Variants in GPR176 observed in about 807,000 individuals in gnomAD.
The protein encoded by GPR176 is G-protein coupled receptor 176.
A neutral mutation model predicts 35.4 loss-of-function variants in GPR176; 26 were observed. The observed-to-expected ratio is 0.74, with a 90% confidence interval of 0.54 to 1.02. The LOEUF (loss-of-function observed/expected upper bound fraction) is 1.02, where lower values mean the gene tolerates loss of function less well. Among genes scored for constraint, GPR176 ranks in the 50% least tolerant of loss-of-function variants. The probability of loss-of-function intolerance (pLI) is 0.00; values close to 1 mark genes in which losing one functional copy is unlikely to be tolerated. For missense variants in GPR176, 597 were observed against 665.3 expected (o/e 0.90, Z 1.13); for synonymous variants, 278 against 271.3 (o/e 1.02, Z -0.24).
chr15:39,886,109 T>A (rs1436311059), intron 1 of GPR176, among the ~76,000 whole-genome samples: 1 of 151,974 alleles, frequency 6.6e-6, no homozygotes, highest in East Asian at 1.9e-4. Flanking sequence ...GGCGGGCGCC[T>A]GTAATCCCAG....
chr15:39,903,175 C>G (rs188020), intron 1 of GPR176, among the ~76,000 whole-genome samples: 13,681 of 152,154 alleles, frequency 0.09, 1,033 homozygotes, highest in Admixed American at 0.23. Context: ...GTACCAAATG[C>G]ATTTTCAGCT....
chr15:39,887,320 G>C (rs2032707842), intron 1 of GPR176, among the ~76,000 whole-genome samples: 1 of 152,156 alleles, frequency 6.6e-6, no homozygotes, highest in Non-Finnish European at 1.5e-5. Flanking sequence ...CCAGCATAGT[G>C]CATATGTAAG....
intron 1 of GPR176, among the ~76,000 whole-genome samples, chr15:39,808,158 T>C (rs1899318707): frequency 6.6e-6 from 1 of 152,180 alleles, no homozygotes; most frequent in Non-Finnish European, 1.5e-5. Context: ...ATTCTGGTAA[T>C]TTTCCATCAA....
intron 1 of GPR176, among the ~76,000 whole-genome samples, chr15:39,831,542 T>TA (rs1240063606): frequency 3.3e-5 from 5 of 152,136 alleles, no homozygotes; most frequent in African/African-American, 1.2e-4. Context: ...TCTATGTCCA[T>TA]AAAATGTACC....
chr15:39,895,897 G>C (rs2033097421), intron 1 of GPR176, among the ~76,000 whole-genome samples: 1 of 151,988 alleles, frequency 6.6e-6, no homozygotes, highest in Non-Finnish European at 1.5e-5. Context: ...AACTATCAAA[G>C]CCTTTCTGAA....
chr15:39,855,152 A>G (rs531912092), intron 1 of GPR176, among the ~76,000 whole-genome samples: 5 of 152,190 alleles, frequency 3.3e-5, no homozygotes, highest in Non-Finnish European at 7.3e-5. Context: ...CTTAACAAAG[A>G]TGAGTCTTTC....
intron 1 of GPR176, among the ~76,000 whole-genome samples, chr15:39,851,573 G>T (rs1039344242): frequency 6.6e-6 from 1 of 152,094 alleles, no homozygotes; most frequent in Non-Finnish European, 1.5e-5. Flanking sequence ...ACATGATGAG[G>T]GTCTGGCGCT....
rs1199330455 is a variant in GPR176, at chr15:39,801,126, T to A, written c.*6A>T. 5.1e-6 allele frequency: 8 copies of A among 1,582,266 alleles called. No homozygotes were observed. Among genetic ancestry groups the A allele is most frequent in the Non-Finnish European group, 6.9e-6 (8 of 1,162,494 alleles). ...CCCCGTTGCTTCCAAGAATTTACAA[T>A]CCTTGCTAGGAATCCACCTTTGGAA... On this transcript the variant is annotated 3_prime_UTR_variant, in exon 3 of 3. Coordinates refer to ENST00000561100, the MANE Select transcript of GPR176 (RefSeq NM_007223.3).
chr15:39,905,018 C>T (rs1252771440), intron 1 of GPR176, among the ~76,000 whole-genome samples: 3 of 152,186 alleles, frequency 2.0e-5, no homozygotes, highest in African/African-American at 2.4e-5. Flanking sequence ...CAACTCCCTC[C>T]TCCAGCCCCT....
chr15:39,832,025 C>T (rs1901118050), intron 1 of GPR176, among the ~76,000 whole-genome samples: 1 of 150,076 alleles, frequency 6.7e-6, no homozygotes. Context: ...CACACACACA[C>T]ACCATGTTCC....
intron 1 of GPR176, among the ~76,000 whole-genome samples, chr15:39,809,353 C>T (rs919405478): frequency 1.3e-5 from 2 of 152,072 alleles, no homozygotes; most frequent in African/African-American, 4.8e-5. Context: ...ACCCAATACC[C>T]ATTTGGTTAC....
intron 1 of GPR176, among the ~76,000 whole-genome samples, chr15:39,881,239 C>T (rs1030067958): frequency 6.6e-6 from 1 of 152,206 alleles, no homozygotes; most frequent in African/African-American, 2.4e-5. Context: ...CATAAACCGG[C>T]TCCCTGGGGA....
At chr15:39,888,913 C>A (rs1409222280) in intron 1 of GPR176, among the ~76,000 whole-genome samples, 3 of 152,198 alleles carry the variant, frequency 2.0e-5, no homozygotes, top group Non-Finnish European at 4.4e-5. Flanking sequence ...GAACTCCCAG[C>A]AAGACTCTTA....
chr15:39,803,024 AG>A (rs1421645128), intron 2 of GPR176, among the ~76,000 whole-genome samples: 3 of 152,236 alleles, frequency 2.0e-5, no homozygotes, highest in Non-Finnish European at 2.9e-5. Flanking sequence ...GCACCTAAAC[AG>A]AATTCCAAAA....
In GPR176 at chr15:39,802,113, C is replaced by T. The variant is rs777519070; in HGVS notation, c.567G>A (p.Thr189=). The T allele has an allele frequency of 2.5e-5, 41 of 1,614,128 alleles. 1 individual carries two copies. The highest frequency in any genetic ancestry group is 1.7e-4 in the African/African-American group (13 of 75,030). Residue 189 remains threonine (T), a synonymous_variant, in exon 3 of 3, where the codon ACG becomes ACA. Coordinates refer to ENST00000561100, the MANE Select transcript of GPR176 (RefSeq NM_007223.3). ...AVTNVADIYA[T]STCTEVWSNS... ...TGCTCCAGACTTCCGTGCAGGTGGA[C>T]GTGGCATAGATGTCAGCCACATTGG...
At chr15:39,811,996 A>G (rs1158080699) in intron 1 of GPR176, among the ~76,000 whole-genome samples, 2 of 151,466 alleles carry the variant, frequency 1.3e-5, no homozygotes, top group African/African-American at 4.8e-5. Flanking sequence ...GTGACTGAAT[A>G]TTTTTTATAA....
chr15:39,807,707 G>T (rs1899291853), intron 1 of GPR176: 1 of 630,540 alleles, frequency 1.6e-6, no homozygotes, highest in Non-Finnish European at 2.9e-6. Context: ...AGAGAAGCAG[G>T]TGAGATTTTA....
chr15:39,817,846 T>C (rs970941090), intron 1 of GPR176, among the ~76,000 whole-genome samples: 3 of 152,234 alleles, frequency 2.0e-5, no homozygotes, highest in African/African-American at 7.2e-5. Context: ...GAACCAACAT[T>C]AAACAACTGA....
chr15:39,903,542 T>C (rs1024076733), intron 1 of GPR176, among the ~76,000 whole-genome samples: 3 of 151,876 alleles, frequency 2.0e-5, no homozygotes, highest in Non-Finnish European at 4.4e-5. Context: ...TGATTACTTG[T>C]GGCTTAGCAT....
Sources: allele counts gnomAD v4.1 joint callset (sites outside exome capture counted in the v4.1 genomes callset), GRCh38; gene constraint gnomAD v4.1.1; transcripts MANE v1.5; gene names NCBI Gene and HGNC (gene_info 2026-07-23, HGNC 2026-07-21).